HGF: variants seen among roughly 807,000 people sequenced by gnomAD.
The protein encoded by HGF is fibroblast-derived tumor cytotoxic factor.
In HGF, 39 loss-of-function variants were observed where a neutral mutation model predicts 111.6. The observed-to-expected ratio is 0.35, with a 90% CI of 0.27 to 0.46. The LOEUF (loss-of-function observed/expected upper bound fraction) is 0.46, where lower values mean the gene tolerates loss of function less well. HGF is among the 20% of genes least tolerant of loss of function. The pLI is 1.00. For missense variants in HGF, 735 were observed against 910.5 expected, an observed-to-expected ratio of 0.81 and a Z score of 2.48; for synonymous variants, 285 against 294.8, an observed-to-expected ratio of 0.97 and a Z score of 0.34.
At chr7:81,744,206 T>C (rs1788129737) in intron 6 of HGF, among the ~76,000 whole-genome samples, 1 of 152,202 alleles carries the variant, frequency 6.6e-6, no homozygotes, top group Non-Finnish European at 1.5e-5. Context: ...GTGTAATTAT[T>C]TGTATTTTTA....
chr7:81,756,201 A>C, intron 4 of HGF: 1 of 575,818 alleles, frequency 1.7e-6, no homozygotes, highest in Non-Finnish European at 3.1e-6. Flanking sequence ...TGTGCATGAC[A>C]CTGAAAACTT....
chr7:81,700,912 G>A lies in HGF; in HGVS notation c.*1669C>T, dbSNP rs1356388555. ...TCCAGATTGAACAGTACTCTAAAGA[G>A]CTGGTAGGGAATTGTTTGGGGACTT... On this transcript the variant is annotated 3_prime_UTR_variant, in exon 18 of 18. Coordinates refer to ENST00000222390, the MANE Select transcript of HGF (RefSeq NM_000601.6). The A allele has an allele frequency of 6.6e-6, 1 of 151,618 alleles. No individual in the cohort carries two copies. The highest frequency in any genetic ancestry group is 1.5e-5 in the Non-Finnish European group (1 of 67,684). 9.4% of individuals were successfully genotyped at this position (151,618 alleles called of 1,614,324 possible).
At chr7:81,764,008 T>C (rs1182351000) in intron 1 of HGF, among the ~76,000 whole-genome samples, 1 of 152,128 alleles carries the variant, frequency 6.6e-6, no homozygotes, top group African/African-American at 2.4e-5. Flanking sequence ...ATATGGCATG[T>C]AACACTTTCC....
At chr7:81,755,085 G>C (rs1466837053) in intron 4 of HGF, 1 of 151,940 alleles carries the variant, frequency 6.6e-6, no homozygotes, top group Non-Finnish European at 1.5e-5. Flanking sequence ...TAGGAAACTT[G>C]ATCTATTCCA....
intron 7 of HGF, among the ~76,000 whole-genome samples, chr7:81,733,159 T>C (rs1269704037): frequency 2.0e-5 from 3 of 152,032 alleles, no homozygotes; most frequent in Non-Finnish European, 4.4e-5. Context: ...TTTTAAAAAG[T>C]ATGTAAAATC....
intron 7 of HGF, among the ~76,000 whole-genome samples, chr7:81,732,451 G>A (rs73712326): frequency 0.051 from 7,730 of 152,128 alleles, 719 homozygotes; most frequent in African/African-American, 0.18. Context: ...CATTGTCAAC[G>A]TAAGATTAAA....
intron 7 of HGF, among the ~76,000 whole-genome samples, chr7:81,730,675 G>GTC (rs200212362): frequency 1.3e-5 from 2 of 151,460 alleles, no homozygotes; most frequent in South Asian, 2.1e-4. Context: ...CCACAATTTG[G>GTC]TCTCTCTCTC....
intron 1 of HGF, among the ~76,000 whole-genome samples, chr7:81,767,624 T>C (rs1470422245): frequency 6.6e-6 from 1 of 152,212 alleles, no homozygotes; most frequent in Non-Finnish European, 1.5e-5. Context: ...GGTAATTCTA[T>C]ATAGGCTAAC....
intron 12 of HGF, among the ~76,000 whole-genome samples, chr7:81,711,218 A>G (rs1789562441): frequency 6.6e-6 from 1 of 152,222 alleles, no homozygotes; most frequent in South Asian, 2.1e-4. Flanking sequence ...AAAAGTAAAT[A>G]TAAACACTCT....
intron 2 of HGF, among the ~76,000 whole-genome samples, chr7:81,759,751 G>A (rs1455846011): frequency 1.3e-5 from 2 of 151,926 alleles, no homozygotes; most frequent in African/African-American, 2.4e-5. Context: ...TGATCTACCC[G>A]CCTCGGCCTC....
chr7:81,767,887 G>A (rs2116277549), intron 1 of HGF, among the ~76,000 whole-genome samples: 1 of 152,166 alleles, frequency 6.6e-6, no homozygotes, highest in South Asian at 2.1e-4. Flanking sequence ...AACTTTGTGT[G>A]TTCTAAGAGG....
chr7:81,761,732 T>G (rs764115995), intron 2 of HGF, among the ~76,000 whole-genome samples: 6 of 134,798 alleles, frequency 4.5e-5, no homozygotes, highest in Non-Finnish European at 9.1e-5. Flanking sequence ...GGCAAAGTAA[T>G]AAGGCATCAG....
At chr7:81,757,443 C>T in intron 3 of HGF, 140 bp from the exon 4 acceptor site, 1 of 639,674 alleles carries the variant, frequency 1.6e-6, no homozygotes, top group Non-Finnish European at 2.8e-6. Flanking sequence ...CCTAAAGCTT[C>T]TACTAGTATT....
chr7:81,744,385 T>C (rs1788142875), intron 6 of HGF, among the ~76,000 whole-genome samples: 1 of 151,980 alleles, frequency 6.6e-6, no homozygotes, highest in Non-Finnish European at 1.5e-5. Context: ...ATTAGTTGCC[T>C]GACTTCTCCA....
chr7:81,713,603 G>A (rs927685395), intron 11 of HGF, among the ~76,000 whole-genome samples: 26 of 151,850 alleles, frequency 1.7e-4, no homozygotes, highest in Non-Finnish European at 1.0e-4. Flanking sequence ...TAATGTATAT[G>A]TTTTGCTTTC....
At chr7:81,764,897 T>C (rs1275408964) in intron 1 of HGF, among the ~76,000 whole-genome samples, 1 of 152,074 alleles carries the variant, frequency 6.6e-6, no homozygotes, top group African/African-American at 2.4e-5. Flanking sequence ...AAATGCTTCA[T>C]AGCATAATAG....
chr7:81,733,579 T>C (rs1425574715), intron 7 of HGF, among the ~76,000 whole-genome samples: 1 of 152,066 alleles, frequency 6.6e-6, no homozygotes, highest in Non-Finnish European at 1.5e-5. Flanking sequence ...TTGTATTTAT[T>C]CCCTTTGACA....
Position 81,717,246 on chromosome 7 carries a change from C to T in HGF, c.1391G>A (p.Cys464Tyr), listed in dbSNP as rs1472303114. 1.2e-6 allele frequency: 2 copies of T among 1,613,556 alleles called. No individual in the cohort carries two copies. The highest frequency in any genetic ancestry group is 1.7e-6 in the Non-Finnish European group (2 of 1,179,588). The change falls in exon 11 of 18, where the codon TGC (cysteine) becomes TAC (tyrosine). Residue 464 changes from cysteine to tyrosine, a missense_variant. Around this residue, in one of 3 missense-constraint regions of HGF, gnomAD observed 553 missense variants for 685.6 expected, o/e 0.81. Coordinates refer to ENST00000222390, the MANE Select transcript of HGF (RefSeq NM_000601.6). ...ACTGTACTTACAACGAGAAATAGGG[C>T]AATAATCCCAAGGAATGAGTGGATT... ...TGNPLIPWDYCPISRCEGDTT... is the reference protein window; with the variant it reads ...TGNPLIPWDYYPISRCEGDTT...
At chr7:81,767,274 G>A (rs767056125) in intron 1 of HGF, among the ~76,000 whole-genome samples, 4 of 149,230 alleles carry the variant, frequency 2.7e-5, no homozygotes, top group East Asian at 2.0e-4. Flanking sequence ...ACTGCTGCTC[G>A]CTTCAATATA....
Sources: allele counts gnomAD v4.1 joint callset (sites outside exome capture counted in the v4.1 genomes callset), GRCh38; gene constraint gnomAD v4.1.1; regional missense constraint gnomAD v4.1.1; transcripts MANE v1.5; gene names NCBI Gene and HGNC (gene_info 2026-07-23, HGNC 2026-07-21).